Variants in CFAP46 observed in about 807,000 individuals in gnomAD.
CFAP46 encodes cilia- and flagella-associated protein 46.
A neutral mutation model predicts 325.7 loss-of-function variants in CFAP46; 245 were observed. That is an observed-to-expected ratio of 0.75 (90% CI 0.68 to 0.84). The LOEUF (loss-of-function observed/expected upper bound fraction) is 0.84, where lower values mean the gene tolerates loss of function less well. Among genes scored for constraint, CFAP46 ranks in the 40% least tolerant of loss-of-function variants. CFAP46 has a pLI of 0.00. For synonymous variants in CFAP46, 1,523 were observed against 1,495.9 expected (o/e 1.02, Z -0.42); for missense variants, 3,346 against 3,543.0 (o/e 0.94, Z 1.41).
In CFAP46 at chr10:132,926,581, C is replaced by T. The variant is rs146404121; in HGVS notation, c.1052G>A (p.Arg351Gln). 2.0e-6 allele frequency: 3 copies of T among 1,535,894 alleles called. No individual in the cohort carries two copies. The highest frequency in any genetic ancestry group is 2.6e-6 in the Non-Finnish European group (3 of 1,146,684). The change falls in exon 10 of 58, where the codon CGA becomes CAA. Residue 351 changes from arginine to glutamine, a missense_variant. Coordinates refer to ENST00000368586, the MANE Select transcript of CFAP46 (RefSeq NM_001200049.3). ...GTAAGGACTGACCTCAACAGCCGCT[C>T]GGTTGTACACTTTCATCTTACTTTC... ...RLESKMKVYN[R>Q]AAVEAQLDII...
At chr10:132,912,363 CCT>C (rs1491010831) in intron 19 of CFAP46, among the ~76,000 whole-genome samples, 3 of 135,074 alleles carry the variant, frequency 2.2e-5, no homozygotes, top group Non-Finnish European at 4.7e-5. Context: ...CTCTCTTTCT[CCT>C]CTCTTCTCTC....
rs1848455338 is a variant in CFAP46 at position 132,847,295 on chromosome 10, C to T, written c.5979G>A (p.Lys1993=). Residue 1993 remains lysine (K), a synonymous_variant, in exon 42 of 58, where the codon AAG becomes AAA. Transcript: ENST00000368586. This position sits in a 1 kb window ranked among gnomAD's most constrained non-coding sequence, Gnocchi z 5.2. Reference sequence around the variant, plus strand: ...CTTCCTCTACCTCCAGCTCCAGAGACTTGAGGCCGCTCAGCTTGGCGCCCA... The same window carrying T: ...CTTCCTCTACCTCCAGCTCCAGAGATTTGAGGCCGCTCAGCTTGGCGCCCA... ...PSVGAKLSGL[K]SLELEVEEEG... is the part of the protein sequence containing the mutation. The T allele has an allele frequency of 6.2e-7, 1 of 1,613,582 alleles. No individual in the cohort carries two copies. The highest frequency in any genetic ancestry group is 2.2e-5 in the East Asian group (1 of 44,836).
chr10:132,876,589 G>A lies in CFAP46; in HGVS notation c.4362+223C>T, dbSNP rs1031449901. Among the ~76,000 whole-genome samples, 2 of 152,334 alleles carry A rather than the reference G, an allele frequency of 1.3e-5. No individual in the cohort carries two copies. Among genetic ancestry groups the A allele is most frequent in the South Asian group, 2.1e-4 (1 of 4,820 alleles). ...ACACCTGTCCTGTCTCACTAGGTAC[G>A]TGTTGGACTTGAGTGGGGAAAGAAG... On this transcript the variant is annotated intron_variant, in intron 31 of 57. Transcript: ENST00000368586. This position sits in a 1 kb window ranked among gnomAD's most constrained non-coding sequence, Gnocchi z 4.1.
intron 45 of CFAP46, among the ~76,000 whole-genome samples, 178 bp downstream of exon 45, chr10:132,836,639 C>A (rs1591043938): frequency 6.6e-6 from 1 of 152,306 alleles, no homozygotes; most frequent in South Asian, 2.1e-4. Flanking sequence ...TGGACGGCCC[C>A]CCCCCCTTGG....
At chr10:132,893,058 A>G (rs763448550) in intron 24 of CFAP46, among the ~76,000 whole-genome samples, 6 of 152,236 alleles carry the variant, frequency 3.9e-5, no homozygotes, top group Non-Finnish European at 7.3e-5. Flanking sequence ...TCCCGATAAG[A>G]TCTCAGGAGT....
intron 36 of CFAP46, 108 bp from the exon 37 acceptor site, chr10:132,860,631 G>C: frequency 8.6e-7 from 1 of 1,160,698 alleles, no homozygotes; most frequent in Non-Finnish European, 1.2e-6. Context: ...GACAGGCGGG[G>C]GTAGATACGG....
chr10:132,815,460 C>T (rs1847675914), intron 50 of CFAP46, among the ~76,000 whole-genome samples: 1 of 152,228 alleles, frequency 6.6e-6, no homozygotes, highest in Admixed American at 6.5e-5. Flanking sequence ...CTGAGGGATC[C>T]TCATTAAGAA....
chr10:132,911,081 G>A (rs1849534165), intron 19 of CFAP46, among the ~76,000 whole-genome samples: 1 of 152,266 alleles, frequency 6.6e-6, no homozygotes, highest in African/African-American at 2.4e-5. Flanking sequence ...GCCTCCCAGG[G>A]CCCACAGCAG....
chr10:132,912,920 C>T (rs541364557), intron 18 of CFAP46, 100 bp from the exon 19 acceptor site: 48 of 1,484,896 alleles, frequency 3.2e-5, no homozygotes, highest in Non-Finnish European at 3.9e-5. Flanking sequence ...CTGAGATGCA[C>T]GGGTGCCCAC....
intron 32 of CFAP46, among the ~76,000 whole-genome samples, chr10:132,872,373 C>T (rs968132573): frequency 1.3e-5 from 2 of 152,156 alleles, no homozygotes; most frequent in African/African-American, 2.4e-5. Flanking sequence ...CTTGCCTCAG[C>T]CTCCTGAGTA....
Position 132,869,448 on chromosome 10 carries a change from T to C in CFAP46, c.4512-76A>G. 9.0e-7 allele frequency: 1 copy of C among 1,105,486 alleles called. No individual in the cohort carries two copies. Among genetic ancestry groups the C allele is most frequent in the Non-Finnish European group, 1.2e-6 (1 of 808,282 alleles). 68.5% of individuals were successfully genotyped at this position (1,105,486 alleles called of 1,614,324 possible). A position where few individuals can be genotyped will look rare whatever the true frequency, so the allele number is the denominator to read the frequency against. On this transcript the variant is annotated intron_variant, in intron 32 of 57. Coordinates refer to ENST00000368586, the MANE Select transcript of CFAP46 (RefSeq NM_001200049.3). The surrounding 1 kb of genome is among the most constrained non-coding windows in gnomAD (Gnocchi z 6.2). ...CCAGAAACGAAGCTACTAGTGTGCT[T>C]CACAGAAAACGGTCAACTAACACAT...
intron 48 of CFAP46, 117 bp downstream of exon 48, chr10:132,834,537 T>G: frequency 7.0e-7 from 1 of 1,432,330 alleles, no homozygotes; most frequent in Non-Finnish European, 9.4e-7. Flanking sequence ...CGGCGCCGAG[T>G]CCTGAACAAA....
intron 7 of CFAP46, 67 bp downstream of exon 7, chr10:132,936,894 G>T: frequency 1.0e-6 from 1 of 957,432 alleles, no homozygotes; most frequent in African/African-American, 1.6e-5. Context: ...CCATGGAGGG[G>T]ACAGAGCTCT....
intron 13 of CFAP46, among the ~76,000 whole-genome samples, chr10:132,920,997 G>A (rs1319082700): frequency 2.6e-5 from 4 of 152,262 alleles, no homozygotes; most frequent in East Asian, 3.8e-4. Context: ...GAAAGCACAG[G>A]TGCGGCAGCA....
intron 55 of CFAP46, 39 bp downstream of exon 55, chr10:132,812,746 T>A: frequency 6.7e-7 from 1 of 1,503,088 alleles, no homozygotes; most frequent in Non-Finnish European, 9.2e-7. Context: ...GTTTGTCCTG[T>A]GCCCGCGGGG....
At chr10:132,861,035 C>T in intron 35 of CFAP46, 53 bp from the exon 36 acceptor site, 1 of 1,499,008 alleles carries the variant, frequency 6.7e-7, no homozygotes, top group Non-Finnish European at 9.1e-7. Flanking sequence ...TGTGTGCAGG[C>T]AGGGAGACAG....
chr10:132,846,843 TC>T (rs1272508332), intron 43 of CFAP46, 88 bp downstream of exon 43: 11 of 1,439,464 alleles, frequency 7.6e-6, no homozygotes, highest in African/African-American at 2.9e-5. Flanking sequence ...TCTAATGGAG[TC>T]CCCCCAAGGC....
At chr10:132,834,811 C>G in intron 47 of CFAP46, 36 bp from the exon 48 acceptor site, 2 of 1,600,946 alleles carry the variant, frequency 1.2e-6, no homozygotes, top group Non-Finnish European at 1.7e-6. Context: ...CCGTAGCAAA[C>G]AGGGCGCATG....
rs1385286299 is a variant in CFAP46 at position 132,827,488 on chromosome 10, G to A, written c.7117+5870C>T. ...ACACCGATGCAAATTTGCTCTTTCTGTATTTCATGTAAAAAATTTCCACTC... is the reference window on the plus strand; with the variant it reads ...ACACCGATGCAAATTTGCTCTTTCTATATTTCATGTAAAAAATTTCCACTC... On this transcript the variant is annotated intron_variant, in intron 50 of 57. Transcript: ENST00000368586. The surrounding 1 kb of genome is among the most constrained non-coding windows in gnomAD (Gnocchi z 5.7). Among the ~76,000 whole-genome samples, 1 of 151,902 alleles carries A rather than the reference G, an allele frequency of 6.6e-6. No homozygotes were observed. The highest frequency in any genetic ancestry group is 6.6e-5 in the Admixed American group (1 of 15,242).
Sources: gnomAD v4.1 joint callset for allele counts (sites outside exome capture counted in the v4.1 genomes callset) on GRCh38, gnomAD v4.1.1 for gene constraint, Gnocchi (gnomAD v3.1) non-coding constraint, MANE v1.5 for transcripts, NCBI Gene and HGNC (gene_info 2026-07-23, HGNC 2026-07-21) for gene names.